The following THSD7B variants were observed in gnomAD, a reference collection of about 807,000 sequenced individuals.
The protein encoded by THSD7B is thrombospondin type 1 domain containing 7B, also known as thrombospondin type-1 domain-containing protein 7B.
THSD7B carries 138 observed loss-of-function variants against 213.6 expected under a neutral mutation model. The observed-to-expected ratio is 0.65, with a 90% CI of 0.56 to 0.74. THSD7B has a LOEUF of 0.74. Ranked by LOEUF, THSD7B falls within the 30% of genes least tolerant of loss-of-function variation. The pLI is 0.00. For missense variants in THSD7B, 1,931 were observed against 1,991.5 expected (o/e 0.97, Z 0.58); for synonymous variants, 742 against 687.0 (o/e 1.08, Z -1.25).
chr2:137,113,762 C>G (rs1688396041), intron 4 of THSD7B, among the ~76,000 whole-genome samples: 1 of 152,012 alleles, frequency 6.6e-6, no homozygotes, highest in Admixed American at 6.6e-5. Flanking sequence ...TTTATATTCA[C>G]CTAGGATAGG....
At position 137,057,016 on chromosome 2, in the gene THSD7B, G is replaced by A. The variant is rs781669802; in HGVS notation, c.736G>A (p.Gly246Arg). 1.2e-6 allele frequency: 2 copies of A among 1,613,912 alleles called. No individual in the cohort carries two copies. Among genetic ancestry groups the A allele is most frequent in the Non-Finnish European group, 1.7e-6 (2 of 1,179,866 alleles). Residue 246 changes from glycine (G) to arginine (R), a missense_variant, in exon 3 of 28, where the codon GGA (glycine) becomes AGA (arginine). Coordinates refer to ENST00000409968, the MANE Select transcript of THSD7B (RefSeq NM_001316349.2). ...EEEYTFSLKV[G>R]PWSKCRLPHL... ...GGAATATACATTTAGCCTTAAGGTT[G>A]GACCATGGAGTAAATGCAGACTGCC...
intron 19 of THSD7B, 48 bp downstream of exon 19, chr2:137,618,555 A>G: frequency 1.3e-6 from 2 of 1,539,278 alleles, no homozygotes; most frequent in Middle Eastern, 1.7e-4. Context: ...TGTTTTTCTT[A>G]ATATTGGTCT....
intron 10 of THSD7B, among the ~76,000 whole-genome samples, chr2:137,252,911 CTTTTTTT>C (rs754932566): frequency 1.2e-5 from 1 of 80,658 alleles, no homozygotes; most frequent in Non-Finnish European, 2.5e-5. Context: ...AAAAGGCTTG[CTTTTTTT>C]TTTTTTTTTT....
chr2:137,428,858 C>T (rs1322790038), intron 14 of THSD7B, among the ~76,000 whole-genome samples: 1 of 152,134 alleles, frequency 6.6e-6, no homozygotes, highest in Non-Finnish European at 1.5e-5. Flanking sequence ...GAGGACTCCA[C>T]CTTCATGAGG....
At chr2:137,143,831 TC>T (rs566141669) in intron 5 of THSD7B, among the ~76,000 whole-genome samples, 1 of 152,274 alleles carries the variant, frequency 6.6e-6, no homozygotes, top group African/African-American at 2.4e-5. Flanking sequence ...ATATAGTTCT[TC>T]CATATACTGT....
At chr2:137,037,278 A>G (rs1185147364) in intron 2 of THSD7B, among the ~76,000 whole-genome samples, 1 of 152,148 alleles carries the variant, frequency 6.6e-6, no homozygotes, top group Non-Finnish European at 1.5e-5. Context: ...AAATAGTACT[A>G]TTCCAACTCT....
chr2:137,481,721 G>A (rs555538304), intron 15 of THSD7B, among the ~76,000 whole-genome samples: 1 of 152,160 alleles, frequency 6.6e-6, no homozygotes, highest in Non-Finnish European at 1.5e-5. Flanking sequence ...GATATAGTTT[G>A]CCAACCCACA....
Position 137,039,469 on chromosome 2 carries a change from T to C in THSD7B, c.140-16951T>C, listed in dbSNP as rs183861449. 5.4e-4 allele frequency among the ~76,000 whole-genome samples: 82 copies of C among 152,320 alleles called. 1 individual carries two copies. The highest frequency in any genetic ancestry group is 1.9e-3 in the African/African-American group (81 of 41,580). On this transcript the variant is annotated intron_variant, in intron 2 of 27. Coordinates refer to ENST00000409968, the MANE Select transcript of THSD7B (RefSeq NM_001316349.2). ...AAAGGGTTGAGGCCAAGGTTGTTGC[T>C]AAACATCCTGCAATGCACAGGACAA...
At chr2:136,787,163 A>AT (rs1681875915) in intron 1 of THSD7B, among the ~76,000 whole-genome samples, 1 of 152,182 alleles carries the variant, frequency 6.6e-6, no homozygotes, top group African/African-American at 2.4e-5. Flanking sequence ...TCATAATCCA[A>AT]TATTATTCAG....
At chr2:136,854,005 T>G (rs1683138304) in intron 1 of THSD7B, among the ~76,000 whole-genome samples, 1 of 152,188 alleles carries the variant, frequency 6.6e-6, no homozygotes, top group South Asian at 2.1e-4. Flanking sequence ...TTTTCTTACT[T>G]TCTGGCACAA....
intron 15 of THSD7B, among the ~76,000 whole-genome samples, chr2:137,486,781 C>T (rs1392687373): frequency 6.6e-6 from 1 of 152,122 alleles, no homozygotes; most frequent in Non-Finnish European, 1.5e-5. Flanking sequence ...AACAGAAATT[C>T]TAACAAACTG....
rs117914369 is a variant in THSD7B at position 137,374,868 on chromosome 2, G to A, written c.2501-30745G>A. 6.6e-4 allele frequency among the ~76,000 whole-genome samples: 101 copies of A among 152,256 alleles called. 1 individual carries two copies. In the East Asian group the frequency reaches 0.015, roughly 22 times the overall value. ...TATCAATACACTTGAGTTTCCATGA[G>A]CCTAGCGAGTGGGTCATGCAGCTAT... On this transcript the variant is annotated intron_variant, in intron 12 of 27. Transcript: ENST00000409968.
intron 1 of THSD7B, among the ~76,000 whole-genome samples, chr2:136,822,342 C>A (rs1415491260): frequency 6.6e-6 from 1 of 152,196 alleles, no homozygotes; most frequent in African/African-American, 2.4e-5. Flanking sequence ...CAAGGGGCAT[C>A]TTTTCCTTCT....
chr2:137,614,044 T>C (rs762872781), intron 17 of THSD7B, among the ~76,000 whole-genome samples: 4 of 152,084 alleles, frequency 2.6e-5, no homozygotes, highest in Non-Finnish European at 5.9e-5. Context: ...ATCACGTTCA[T>C]GGATTTCAGT....
intron 9 of THSD7B, among the ~76,000 whole-genome samples, chr2:137,234,769 G>A (rs536767199): frequency 1.3e-5 from 2 of 152,132 alleles, no homozygotes; most frequent in Non-Finnish European, 2.9e-5. Flanking sequence ...TGAAGATCAA[G>A]GGAAGTGTAT....
intron 7 of THSD7B, among the ~76,000 whole-genome samples, chr2:137,207,145 A>G (rs6750666): frequency 0.59 from 90,221 of 151,758 alleles, 27,203 homozygotes; most frequent in South Asian, 0.71. Context: ...GAGGAGGAAG[A>G]TAATGCATCT....
intron 12 of THSD7B, among the ~76,000 whole-genome samples, chr2:137,401,634 CTTTTTTTT>C (rs35834967): frequency 7.5e-6 from 1 of 132,696 alleles, no homozygotes; most frequent in African/African-American, 2.8e-5. Flanking sequence ...TTCTTTCTTT[CTTTTTTTT>C]TTTTTTTTTC....
chr2:137,598,882 T>TA (rs200291777), intron 17 of THSD7B, among the ~76,000 whole-genome samples: 1,620 of 148,270 alleles, frequency 0.011, 12 homozygotes, highest in Non-Finnish European at 0.014. Flanking sequence ...TGGTTCTTTT[T>TA]TTTTTTTATT....
intron 7 of THSD7B, among the ~76,000 whole-genome samples, chr2:137,204,716 A>G (rs1212325031): frequency 1.3e-5 from 2 of 152,134 alleles, no homozygotes; most frequent in African/African-American, 2.4e-5. Context: ...TATTGCCTAC[A>G]TGAAATGCAT....
Sources: allele counts gnomAD v4.1 joint callset (sites outside exome capture counted in the v4.1 genomes callset), GRCh38; gene constraint gnomAD v4.1.1; transcripts MANE v1.5; gene names NCBI Gene and HGNC (gene_info 2026-07-23, HGNC 2026-07-21).